Variants in TRPM6 observed in about 807,000 individuals in gnomAD.
TRPM6 encodes the protein transient receptor potential cation channel subfamily M member 6, also known as channel kinase 2.
TRPM6 carries 111 observed loss-of-function variants against 247.6 expected under a neutral mutation model. That is an observed-to-expected ratio of 0.45 (90% confidence interval 0.38 to 0.52). The LOEUF (loss-of-function observed/expected upper bound fraction) is 0.52. Ranked by LOEUF, TRPM6 falls within the 20% of genes least tolerant of loss-of-function variation. The pLI, the probability that TRPM6 is intolerant of heterozygous loss-of-function variation, is 0.00. For synonymous variants in TRPM6, 892 were observed against 853.8 expected, an observed-to-expected ratio of 1.04 and a Z score of -0.78; for missense variants, 2,126 against 2,421.5, an observed-to-expected ratio of 0.88 and a Z score of 2.56.
At chr9:74,755,541 GA>G in intron 27 of TRPM6, 68 bp from the exon 28 acceptor site, 1 of 1,598,452 alleles carries the variant, frequency 6.3e-7, no homozygotes, top group South Asian at 1.1e-5. Flanking sequence ...CACACTAACA[GA>G]AGCACCATGG....
At chr9:74,862,310 C>G (rs1422041317) in intron 1 of TRPM6, among the ~76,000 whole-genome samples, 3 of 152,106 alleles carry the variant, frequency 2.0e-5, no homozygotes, top group Admixed American at 2.0e-4. Flanking sequence ...TAGCTTCTGC[C>G]ACTAGAGCAG....
chr9:74,853,294 G>C (rs1338333542), intron 3 of TRPM6, among the ~76,000 whole-genome samples: 2 of 151,462 alleles, frequency 1.3e-5, no homozygotes, highest in African/African-American at 4.9e-5. Context: ...TCTCCGCCCG[G>C]CAGCCGCCCC....
chr9:74,887,654 G>T (rs777707223), intron 1 of TRPM6, 170 bp downstream of exon 1: 4 of 1,588,592 alleles, frequency 2.5e-6, no homozygotes, highest in African/African-American at 2.7e-5. Context: ...ATCATCTTTG[G>T]GTGGAGACCA....
chr9:74,828,248 TG>T (rs1487543223), intron 6 of TRPM6, among the ~76,000 whole-genome samples: 3 of 151,942 alleles, frequency 2.0e-5, no homozygotes, highest in Non-Finnish European at 4.4e-5. Flanking sequence ...CCCAGCTACT[TG>T]GGAGGCTGAG....
At chr9:74,756,301 A>G (rs1289125209) in intron 27 of TRPM6, among the ~76,000 whole-genome samples, 1 of 143,126 alleles carries the variant, frequency 7.0e-6, no homozygotes, top group Non-Finnish European at 1.6e-5. Flanking sequence ...CTCATTCTAA[A>G]AAAGGCTGAG....
chr9:74,740,121 G>C, intron 33 of TRPM6, 112 bp from the exon 34 acceptor site: 8 of 1,195,250 alleles, frequency 6.7e-6, no homozygotes, highest in Non-Finnish European at 9.6e-6. Context: ...GACCAGAGGA[G>C]AATGGGACTA....
chr9:74,746,478 G>C (rs879258150), intron 31 of TRPM6, among the ~76,000 whole-genome samples: 2 of 152,142 alleles, frequency 1.3e-5, no homozygotes, highest in Non-Finnish European at 2.9e-5. Context: ...ATGTTACTAT[G>C]TGGTCAGTCA....
chr9:74,827,662 T>C (rs1829388108), intron 7 of TRPM6, 116 bp downstream of exon 7: 1 of 1,071,514 alleles, frequency 9.3e-7, no homozygotes, highest in Non-Finnish European at 1.5e-6. Flanking sequence ...CTGAAGAGTA[T>C]TAAGGAGGCT....
chr9:74,847,710 G>T (rs1374625675), intron 3 of TRPM6, among the ~76,000 whole-genome samples: 1 of 151,734 alleles, frequency 6.6e-6, no homozygotes, highest in Non-Finnish European at 1.5e-5. Context: ...GTCATATATA[G>T]TCAAAGACAA....
intron 36 of TRPM6, among the ~76,000 whole-genome samples, chr9:74,736,904 T>C (rs1825715169): frequency 6.6e-6 from 1 of 152,214 alleles, no homozygotes; most frequent in African/African-American, 2.4e-5. Flanking sequence ...TCAAGTGGAA[T>C]ACAAAACACA....
rs1828945927 is a variant in TRPM6, at chr9:74,816,738, A to T, written c.1239T>A (p.Asn413Lys). The part of the protein sequence containing the change: ...GTNLSASEQL[N>K]LAMAWDRVDI... Reference sequence around the variant, plus strand: ...CCACCCTGTCCCAAGCCATTGCCAGATTTAATTGCTCTGACGCTGATAAAT... The same window carrying T: ...CCACCCTGTCCCAAGCCATTGCCAGTTTTAATTGCTCTGACGCTGATAAAT... Residue 413 changes from asparagine (N) to lysine (K), a missense_variant, in exon 11 of 39, where the codon AAT becomes AAA. Asn to Lys is a moderately conservative substitution (Grantham distance 94). Coordinates refer to ENST00000360774, the MANE Select transcript of TRPM6 (RefSeq NM_017662.5). 6.2e-7 allele frequency: 1 copy of T among 1,614,104 alleles called. No homozygotes were observed. Among genetic ancestry groups the T allele is most frequent in the Admixed American group, 1.7e-5 (1 of 60,002 alleles).
intron 19 of TRPM6, among the ~76,000 whole-genome samples, chr9:74,790,906 A>G (rs988682674): frequency 1.3e-5 from 2 of 152,240 alleles, no homozygotes; most frequent in Non-Finnish European, 2.9e-5. Flanking sequence ...GGCATCACAT[A>G]AAGGCTACAA....
intron 38 of TRPM6, among the ~76,000 whole-genome samples, chr9:74,727,531 T>C (rs1328216095): frequency 6.6e-6 from 1 of 152,116 alleles, no homozygotes; most frequent in African/African-American, 2.4e-5. Context: ...CTACTCAGCT[T>C]AAGATACGTG....
chr9:74,728,393 A>C, intron 37 of TRPM6, 48 bp from the exon 38 acceptor site: 1 of 1,328,542 alleles, frequency 7.5e-7, no homozygotes, highest in Non-Finnish European at 1.1e-6. Flanking sequence ...AAGAAAAAGG[A>C]GCTCAACTAG....
rs1828591855 is a variant in TRPM6, at chr9:74,808,030, C to T, written c.1638+4G>A. ...TTTACTTGGGCACTTTTCAATTACT[C>T]TACCTTGTATTTTCTGTAGAGGTTG... On this transcript the variant is annotated splice_donor_region_variant and intron_variant, in intron 14 of 38. Coordinates refer to ENST00000360774, the MANE Select transcript of TRPM6 (RefSeq NM_017662.5). 5.0e-6 allele frequency: 8 copies of T among 1,613,804 alleles called. No homozygotes were observed. Among genetic ancestry groups the T allele is most frequent in the Non-Finnish European group, 6.8e-6 (8 of 1,179,830 alleles).
chr9:74,809,805 C>T (rs1455656992), intron 13 of TRPM6, among the ~76,000 whole-genome samples: 2 of 151,662 alleles, frequency 1.3e-5, no homozygotes, highest in Non-Finnish European at 2.9e-5. Flanking sequence ...ATGGTGAAAC[C>T]CCACGTCTAC....
At chr9:74,844,029 G>C (rs934607648) in intron 3 of TRPM6, among the ~76,000 whole-genome samples, 1 of 151,958 alleles carries the variant, frequency 6.6e-6, no homozygotes, top group Non-Finnish European at 1.5e-5. Context: ...CTCAACAGTG[G>C]GCTTAAAATA....
At chr9:74,886,986 A>T (rs1831550973) in intron 1 of TRPM6, among the ~76,000 whole-genome samples, 1 of 152,186 alleles carries the variant, frequency 6.6e-6, no homozygotes, top group Non-Finnish European at 1.5e-5. Context: ...TATTTTTCAT[A>T]CACAGTGTGA....
chr9:74,861,935 C>T (rs774766519), intron 1 of TRPM6, among the ~76,000 whole-genome samples: 1 of 151,904 alleles, frequency 6.6e-6, no homozygotes, highest in African/African-American at 2.4e-5. Flanking sequence ...CAGGGCCTAA[C>T]CCAATGATTG....
Sources: gnomAD v4.1 joint callset for allele counts (sites outside exome capture counted in the v4.1 genomes callset) on GRCh38, gnomAD v4.1.1 for gene constraint, MANE v1.5 for transcripts, NCBI Gene and HGNC (gene_info 2026-07-23, HGNC 2026-07-21) for gene names.